The following LUZP2 variants were observed in gnomAD, a reference collection of about 807,000 sequenced individuals.
LUZP2 encodes the protein leucine zipper protein 2.
LUZP2 carries 52 observed loss-of-function variants against 51.6 expected under a neutral mutation model. The observed-to-expected ratio is 1.01, with a 90% confidence interval of 0.81 to 1.27. LUZP2 has a LOEUF of 1.27. LUZP2 is among the 50% of genes most tolerant of loss of function. The pLI, the probability that LUZP2 is intolerant of heterozygous loss-of-function variation, is 0.00. For synonymous variants in LUZP2, 154 were observed against 137.3 expected, an observed-to-expected ratio of 1.12 and a Z score of -0.85; for missense variants, 436 against 395.4, an observed-to-expected ratio of 1.10 and a Z score of -0.87.
chr11:24,956,485 A>G (rs1855214431), intron 7 of LUZP2, among the ~76,000 whole-genome samples: 1 of 152,146 alleles, frequency 6.6e-6, no homozygotes, highest in African/African-American at 2.4e-5. Flanking sequence ...TGCTATTGGC[A>G]GTAATATAAA....
At chr11:24,629,298 A>G (rs1036931530) in intron 1 of LUZP2, among the ~76,000 whole-genome samples, 1 of 151,716 alleles carries the variant, frequency 6.6e-6, no homozygotes, top group Non-Finnish European at 1.5e-5. Flanking sequence ...TGTACACATT[A>G]TTTAGCTCCA....
Position 25,030,995 on chromosome 11 carries a change from TTA to T in LUZP2, c.766-19023_766-19022del, listed in dbSNP as rs1269322497. On this transcript the variant is annotated intron_variant, in intron 9 of 11. Transcript: ENST00000336930. ...TTATATATATATAATACAATATATA[TTA>T]TATATATATATATATATATTTTTTT... 3.3e-3 allele frequency among the ~76,000 whole-genome samples: 31 copies of T among 9,270 alleles called. 4 individuals are homozygous for T. The South Asian group carries it at 0.045, about 14-fold the overall frequency. The allele number at this position is 9,270 out of a possible 152,430, so 6.1% of individuals were successfully genotyped here.
intron 1 of LUZP2, among the ~76,000 whole-genome samples, chr11:24,505,656 G>C (rs1016910180): frequency 5.9e-5 from 9 of 152,102 alleles, no homozygotes; most frequent in African/African-American, 2.2e-4. Context: ...AGTTTGTGGA[G>C]CTCATGCCTA....
intron 1 of LUZP2, among the ~76,000 whole-genome samples, chr11:24,545,286 C>T (rs1039923194): frequency 1.3e-5 from 2 of 151,848 alleles, no homozygotes; most frequent in African/African-American, 4.8e-5. Flanking sequence ...AATTAGACAT[C>T]ATTTGTCAAT....
chr11:24,627,487 T>A (rs963876649), intron 1 of LUZP2, among the ~76,000 whole-genome samples: 7 of 152,212 alleles, frequency 4.6e-5, no homozygotes, highest in Admixed American at 4.6e-4. Context: ...ATTCATTTTT[T>A]AAAGAAATCA....
chr11:24,709,638 T>C (rs75277499), intron 1 of LUZP2, among the ~76,000 whole-genome samples: 2,856 of 152,318 alleles, frequency 0.019, 102 homozygotes, highest in African/African-American at 0.065. Flanking sequence ...TCTTTTTGGA[T>C]ATAAACTTTA....
At chr11:24,685,726 C>T (rs1856877409) in intron 1 of LUZP2, among the ~76,000 whole-genome samples, 1 of 152,096 alleles carries the variant, frequency 6.6e-6, no homozygotes, top group African/African-American at 2.4e-5. Flanking sequence ...CATGAAATAT[C>T]ATAAACTAAG....
chr11:24,873,827 T>C lies in LUZP2; in HGVS notation c.397-32164T>C, dbSNP rs145979617. On this transcript the variant is annotated intron_variant, in intron 5 of 11. Transcript: ENST00000336930. ...TCTCTGAGTGTCAGTTTAGTTAACT[T>C]GTTTGTTAAATAGAAAAACTACATC... Among the ~76,000 whole-genome samples the C allele has an allele frequency of 2.1e-3, 314 of 152,318 alleles. 1 individual carries two copies. Among genetic ancestry groups the C allele is most frequent in the African/African-American group, 7.3e-3 (302 of 41,586 alleles).
intron 5 of LUZP2, among the ~76,000 whole-genome samples, chr11:24,842,658 A>G (rs1012669737): frequency 1.3e-5 from 2 of 152,146 alleles, no homozygotes. Context: ...TTAGACGCAA[A>G]TACTTCTAAA....
chr11:24,581,185 CCTTT>C (rs1852839429), intron 1 of LUZP2, among the ~76,000 whole-genome samples: 1 of 147,158 alleles, frequency 6.8e-6, no homozygotes, highest in African/African-American at 2.5e-5. Flanking sequence ...GGATGTATAC[CCTTT>C]CACTGGCCAA....
chr11:24,618,972 A>G (rs1490950420), intron 1 of LUZP2, among the ~76,000 whole-genome samples: 1 of 151,884 alleles, frequency 6.6e-6, no homozygotes, highest in East Asian at 1.9e-4. Flanking sequence ...AAAAATTCTT[A>G]TGTATTTATT....
intron 5 of LUZP2, among the ~76,000 whole-genome samples, chr11:24,767,033 G>A (rs970326301): frequency 6.6e-6 from 1 of 152,088 alleles, no homozygotes; most frequent in East Asian, 1.9e-4. Flanking sequence ...GCCTCCTAAA[G>A]TGCTGGAATT....
At chr11:24,869,344 A>G (rs1851988072) in intron 5 of LUZP2, among the ~76,000 whole-genome samples, 1 of 152,124 alleles carries the variant, frequency 6.6e-6, no homozygotes, top group Non-Finnish European at 1.5e-5. Flanking sequence ...GTTTGTGAAA[A>G]CCTTGTCTGG....
intron 5 of LUZP2, among the ~76,000 whole-genome samples, chr11:24,829,109 C>T (rs935774836): frequency 6.6e-6 from 1 of 152,142 alleles, no homozygotes; most frequent in Non-Finnish European, 1.5e-5. Context: ...ATTTTATTCC[C>T]TCTGAAAAGA....
At chr11:24,993,873 T>C (rs538872015) in intron 9 of LUZP2, among the ~76,000 whole-genome samples, 16 of 147,812 alleles carry the variant, frequency 1.1e-4, no homozygotes, top group Admixed American at 6.1e-4. Context: ...TTGGGGGGGG[T>C]GTGGGGGAAT....
chr11:24,896,661 G>A (rs1185878254), intron 5 of LUZP2, among the ~76,000 whole-genome samples: 7 of 152,222 alleles, frequency 4.6e-5, no homozygotes, highest in African/African-American at 1.2e-4. Context: ...CCCATGGACC[G>A]CCCAAGGGTT....
chr11:24,807,024 CAAAAAAAA>C (rs34565471), intron 5 of LUZP2, among the ~76,000 whole-genome samples: 1 of 110,292 alleles, frequency 9.1e-6, no homozygotes, highest in Non-Finnish European at 1.8e-5. Flanking sequence ...GAAAATCCAC[CAAAAAAAA>C]AAAAAAAAAA....
rs549727269 is a variant in LUZP2, at chr11:24,534,406, G to A, written c.62+37101G>A. Among the ~76,000 whole-genome samples, 19 of 150,794 alleles carry A rather than the reference G, an allele frequency of 1.3e-4. 2 individuals carry two copies. Among genetic ancestry groups the A allele is most frequent in the African/African-American group, 4.4e-4 (18 of 41,240 alleles). ...ATATACATTTCTCTACATATAGAAAGATTTCTACATATAGAAAGATTACAC... is the reference window on the plus strand; with the variant it reads ...ATATACATTTCTCTACATATAGAAAAATTTCTACATATAGAAAGATTACAC... On this transcript the variant is annotated intron_variant, in intron 1 of 11. Coordinates refer to ENST00000336930, the MANE Select transcript of LUZP2 (RefSeq NM_001009909.4).
chr11:24,850,816 T>C (rs1460467341), intron 5 of LUZP2, among the ~76,000 whole-genome samples: 1 of 152,204 alleles, frequency 6.6e-6, no homozygotes, highest in Non-Finnish European at 1.5e-5. Flanking sequence ...TTTGTAGTTC[T>C]TCTGGAAGAG....
Sources: gnomAD v4.1 joint callset for allele counts (sites outside exome capture counted in the v4.1 genomes callset) on GRCh38, gnomAD v4.1.1 for gene constraint, MANE v1.5 for transcripts, NCBI Gene and HGNC (gene_info 2026-07-23, HGNC 2026-07-21) for gene names.